The following SUSD4 variants were observed in gnomAD, a reference collection of about 807,000 sequenced individuals.
SUSD4 encodes the protein sushi domain containing 4.
SUSD4 carries 41 observed loss-of-function variants against 50.5 expected under a neutral mutation model. The ratio of observed to expected loss-of-function variants is 0.81; its 90% CI spans 0.63 to 1.05. SUSD4 has a LOEUF of 1.05. Ranked by LOEUF, SUSD4 falls within the 50% of genes least tolerant of loss-of-function variation. The probability of loss-of-function intolerance (pLI) is 0.00; values close to 1 mark genes in which losing one functional copy is unlikely to be tolerated. For missense variants in SUSD4, 580 were observed against 634.7 expected (o/e 0.91, Z 0.93); for synonymous variants, 257 against 257.3 (o/e 1.00, Z 0.01).
At chr1:223,334,181 C>T (rs1013213729) in intron 2 of SUSD4, among the ~76,000 whole-genome samples, 7 of 151,890 alleles carry the variant, frequency 4.6e-5, no homozygotes, top group South Asian at 2.1e-4. Context: ...AATGCATCTA[C>T]GAAACAAGAA....
intron 3 of SUSD4, among the ~76,000 whole-genome samples, chr1:223,287,179 A>C (rs890176722): frequency 6.6e-6 from 1 of 152,206 alleles, no homozygotes; most frequent in East Asian, 1.9e-4. Flanking sequence ...GGGTTCAAAC[A>C]ATTCTCATGC....
intron 2 of SUSD4, among the ~76,000 whole-genome samples, chr1:223,333,400 T>C (rs1368410719): frequency 4.6e-5 from 7 of 151,806 alleles, no homozygotes; most frequent in Admixed American, 4.6e-4. Context: ...GAGTGCCTAG[T>C]CCTATTACTC....
At chr1:223,271,333 G>A (rs568837454) in intron 3 of SUSD4, among the ~76,000 whole-genome samples, 2 of 152,198 alleles carry the variant, frequency 1.3e-5, no homozygotes, top group Non-Finnish European at 2.9e-5. Context: ...TCAGCATAGT[G>A]TTGTGTAATG....
chr1:223,299,257 G>A (rs892167387), intron 2 of SUSD4, among the ~76,000 whole-genome samples: 5 of 152,310 alleles, frequency 3.3e-5, no homozygotes, highest in Admixed American at 1.3e-4. Context: ...GGGAAGCAGA[G>A]TGGAAAATCA....
At chr1:223,323,919 A>AT (rs886841821) in intron 2 of SUSD4, among the ~76,000 whole-genome samples, 23 of 151,608 alleles carry the variant, frequency 1.5e-4, no homozygotes, top group African/African-American at 5.6e-4. Flanking sequence ...CTGCCCAATT[A>AT]TTTTAAAAAA....
At chr1:223,235,400 T>C (rs954430975) in intron 5 of SUSD4, among the ~76,000 whole-genome samples, 6 of 152,160 alleles carry the variant, frequency 3.9e-5, no homozygotes, top group Non-Finnish European at 7.3e-5. Context: ...GGGTTCACTC[T>C]TGGTGTTGTA....
chr1:223,249,290 A>T (rs988436355), intron 5 of SUSD4, among the ~76,000 whole-genome samples: 16 of 152,214 alleles, frequency 1.1e-4, no homozygotes, highest in African/African-American at 3.9e-4. Context: ...CAGGAAGCCC[A>T]CAGGTAAGGG....
At chr1:223,323,268 A>T (rs775237595) in intron 2 of SUSD4, among the ~76,000 whole-genome samples, 1 of 152,060 alleles carries the variant, frequency 6.6e-6, no homozygotes, top group Non-Finnish European at 1.5e-5. Flanking sequence ...AGAGGAAAAG[A>T]AGGAGGAAAA....
At chr1:223,287,627 C>A (rs1302003690) in intron 3 of SUSD4, among the ~76,000 whole-genome samples, 1 of 152,088 alleles carries the variant, frequency 6.6e-6, no homozygotes, top group Admixed American at 6.5e-5. Flanking sequence ...GTTCTCAGAA[C>A]CTGCTTGTTT....
chr1:223,251,975 A>AACCAAAC (rs913818633), intron 5 of SUSD4, among the ~76,000 whole-genome samples: 4 of 149,986 alleles, frequency 2.7e-5, no homozygotes, highest in Non-Finnish European at 5.9e-5. Context: ...AAGGACAAAA[A>AACCAAAC]ACCAAACACC....
At chr1:223,253,679 G>T (rs1177775522) in intron 5 of SUSD4, among the ~76,000 whole-genome samples, 2 of 152,156 alleles carry the variant, frequency 1.3e-5, no homozygotes, top group African/African-American at 4.8e-5. Flanking sequence ...TGTTCCACCT[G>T]ACTGCAAGAG....
chr1:223,279,880 A>G (rs762618743), intron 3 of SUSD4, among the ~76,000 whole-genome samples: 1 of 152,252 alleles, frequency 6.6e-6, no homozygotes, highest in African/African-American at 2.4e-5. Context: ...TCAGACTAAC[A>G]GCGGATCTCT....
Position 223,282,368 on chromosome 1 carries a change from C to G in SUSD4, c.361+10071G>C, listed in dbSNP as rs375212001. 4.3e-4 allele frequency among the ~76,000 whole-genome samples: 66 copies of G among 152,252 alleles called. 1 individual carries two copies. The highest frequency in any genetic ancestry group is 4.0e-3 in the Admixed American group (61 of 15,294). The stretch of plus-strand genomic sequence containing the variant: ...TCGTCTCAGCCCAAAATCTCCTTAA[C>G]CTGATAAGCAACTTCAGCAAAGTCT... On this transcript the variant is annotated intron_variant, in intron 3 of 8. Coordinates refer to ENST00000366878, the MANE Select transcript of SUSD4 (RefSeq NM_017982.4).
chr1:223,362,354 A>T (rs1669034011), intron 2 of SUSD4, among the ~76,000 whole-genome samples: 1 of 152,212 alleles, frequency 6.6e-6, no homozygotes, highest in South Asian at 2.1e-4. Flanking sequence ...AACCAAAGAT[A>T]ATTTATTTAT....
chr1:223,258,378 A>T (rs946703562), intron 5 of SUSD4, among the ~76,000 whole-genome samples: 4 of 152,156 alleles, frequency 2.6e-5, no homozygotes, highest in African/African-American at 9.7e-5. Context: ...TCCTTTTCTT[A>T]TAAAAGGATA....
intron 5 of SUSD4, among the ~76,000 whole-genome samples, chr1:223,252,519 C>T (rs1260702961): frequency 3.9e-5 from 6 of 152,078 alleles, no homozygotes; most frequent in Non-Finnish European, 8.8e-5. Context: ...CATTGGCATG[C>T]TGCTTTAGCC....
chr1:223,316,660 T>C (rs1169211349), intron 2 of SUSD4, among the ~76,000 whole-genome samples: 1 of 152,116 alleles, frequency 6.6e-6, no homozygotes, highest in Non-Finnish European at 1.5e-5. Flanking sequence ...CCATGCCCAG[T>C]GGAGGGCAAA....
At chr1:223,252,236 A>ATATATAT (rs1553285715) in intron 5 of SUSD4, among the ~76,000 whole-genome samples, 134 of 89,692 alleles carry the variant, frequency 1.5e-3, no homozygotes, top group East Asian at 9.7e-3. Flanking sequence ...AAAAAAAAAA[A>ATATATAT]ATATATATAT....
chr1:223,262,863 G>C (rs1257445285), intron 5 of SUSD4, among the ~76,000 whole-genome samples: 2 of 152,180 alleles, frequency 1.3e-5, no homozygotes, highest in Non-Finnish European at 2.9e-5. Flanking sequence ...TGTCAGCCAG[G>C]GTTTTCCCAT....
Sources: gnomAD v4.1 joint callset for allele counts (sites outside exome capture counted in the v4.1 genomes callset) on GRCh38, gnomAD v4.1.1 for gene constraint, MANE v1.5 for transcripts, NCBI Gene and HGNC (gene_info 2026-07-23, HGNC 2026-07-21) for gene names.